SH3BGRL: variants seen among roughly 807,000 people sequenced by gnomAD.
The protein encoded by SH3BGRL is SH3 domain binding glutamate rich protein like, also known as adapter SH3BGRL.
SH3BGRL carries 7 observed loss-of-function variants against 9.8 expected under a neutral mutation model. The observed-to-expected ratio is 0.72, with a 90% CI of 0.41 to 1.35. SH3BGRL has a LOEUF of 1.35. Ranked by LOEUF, SH3BGRL falls within the 40% of genes most tolerant of loss-of-function variation. The pLI, the probability that SH3BGRL is intolerant of heterozygous loss-of-function variation, is 0.01. For missense variants in SH3BGRL, 73 were observed against 84.4 expected (o/e 0.86, Z 0.53); for synonymous variants, 36 against 29.1 (o/e 1.24, Z -0.76).
At chrX:81,254,016 G>A (rs990971088) in intron 1 of SH3BGRL, among the ~76,000 whole-genome samples, 2 of 111,535 alleles carry the variant, frequency 1.8e-5, no homozygotes, top group African/African-American at 6.5e-5. Flanking sequence ...CAGGGGTCTC[G>A]TGTTATCTGC....
At chrX:81,203,845 C>T (rs1003878043) in intron 1 of SH3BGRL, among the ~76,000 whole-genome samples, 9 of 111,039 alleles carry the variant, frequency 8.1e-5, no homozygotes, top group Admixed American at 1.9e-4. Context: ...TTAGAAATGG[C>T]TGCTGTCTTC....
chrX:81,202,211 G>A lies in SH3BGRL; in HGVS notation c.11G>A (p.Arg4His). The A allele has an allele frequency of 8.3e-7, 1 of 1,209,072 alleles. No individual in the cohort carries two copies. The highest frequency in any genetic ancestry group is 1.1e-6 in the Non-Finnish European group (1 of 894,210). The part of the protein sequence containing the change: MVI[R>H]VYIASSSGST... ...GCCGCTGTTCCCAGGATGGTGATCC[G>A]TGTATATATTGCATCTTCCTCTGGC... Residue 4 changes from arginine to histidine, a missense_variant, in exon 1 of 4, where the codon CGT (arginine) becomes CAT (histidine). Physicochemically the swap from Arg to His is conservative, Grantham distance 29. Coordinates refer to ENST00000373212, the MANE Select transcript of SH3BGRL (RefSeq NM_003022.3).
At chrX:81,249,320 A>G (rs1050084912) in intron 1 of SH3BGRL, among the ~76,000 whole-genome samples, 4 of 112,066 alleles carry the variant, frequency 3.6e-5, no homozygotes, top group African/African-American at 1.3e-4. Context: ...CTTAGAGAGT[A>G]AATTTCCTCT....
rs780393365 is a variant in SH3BGRL at position 81,206,073 on chromosome X, G to T, written c.45+3828G>T. 2.7e-5 allele frequency among the ~76,000 whole-genome samples: 3 copies of T among 110,927 alleles called. No homozygotes were observed. In the South Asian group the frequency reaches 1.1e-3, roughly 42 times the overall value. On this transcript the variant is annotated intron_variant, in intron 1 of 3. Coordinates refer to ENST00000373212, the MANE Select transcript of SH3BGRL (RefSeq NM_003022.3). ...AAATTGGATTATTTGTTTTTTTGTG[G>T]GTTTCTTTTTTGCTACTGACTTCCT...
intron 3 of SH3BGRL, among the ~76,000 whole-genome samples, chrX:81,294,928 G>T (rs1460181787): frequency 3.6e-5 from 4 of 111,950 alleles, no homozygotes; most frequent in Non-Finnish European, 7.5e-5. Context: ...CTGCCCTGCT[G>T]GATTTTGAAC....
At chrX:81,216,942 TG>T (rs757371305) in intron 1 of SH3BGRL, among the ~76,000 whole-genome samples, 330 of 110,868 alleles carry the variant, frequency 3.0e-3, no homozygotes, top group Non-Finnish European at 5.0e-3. Flanking sequence ...CATTTTCTTT[TG>T]GATATGTACC....
Position 81,235,638 on chromosome X carries a change from C to T in SH3BGRL, c.45+33393C>T, listed in dbSNP as rs2075645655. The stretch of plus-strand genomic sequence containing the variant: ...TTTCTGAAGTATATTTTCAGTCATA[C>T]TGAGGTTTGAAAATCTCCTGGTATA... On this transcript the variant is annotated intron_variant, in intron 1 of 3. Transcript: ENST00000373212. Among the ~76,000 whole-genome samples, 2 of 111,507 alleles carry T rather than the reference C, an allele frequency of 1.8e-5. 1 individual carries two copies. Among genetic ancestry groups the T allele is most frequent in the Admixed American group, 1.9e-4 (2 of 10,517 alleles).
intron 1 of SH3BGRL, among the ~76,000 whole-genome samples, chrX:81,228,147 T>C (rs1029626140): frequency 8.9e-6 from 1 of 112,190 alleles, no homozygotes; most frequent in African/African-American, 3.2e-5. Flanking sequence ...TTCTGAACCA[T>C]ATCTAAGTGA....
At chrX:81,202,791 G>A in intron 1 of SH3BGRL, 1 of 120,263 alleles carries the variant, frequency 8.3e-6, no homozygotes, top group Non-Finnish European at 1.7e-5. Flanking sequence ...GAGCTTGAAG[G>A]CCTGTTAGAA....
chrX:81,214,970 C>G (rs756474899), intron 1 of SH3BGRL, among the ~76,000 whole-genome samples: 199 of 111,545 alleles, frequency 1.8e-3, no homozygotes, highest in Admixed American at 3.4e-3. Flanking sequence ...TAATGCCAAC[C>G]TAGCTTCTAG....
At chrX:81,221,466 A>C (rs771107625) in intron 1 of SH3BGRL, among the ~76,000 whole-genome samples, 51 of 111,895 alleles carry the variant, frequency 4.6e-4, no homozygotes, top group African/African-American at 1.6e-3. Flanking sequence ...CTAAGTGCTA[A>C]AGTAATTATT....
Position 81,246,004 on chromosome X carries a change from A to G in SH3BGRL, c.46-30980A>G, listed in dbSNP as rs748174523. ...GCTTTTTGACTTGTTAATAGTAGCCATTCTGACTGGTGTGAAATGGTATCT... is the reference window on the plus strand; with the variant it reads ...GCTTTTTGACTTGTTAATAGTAGCCGTTCTGACTGGTGTGAAATGGTATCT... On this transcript the variant is annotated intron_variant, in intron 1 of 3. Transcript: ENST00000373212. Among the ~76,000 whole-genome samples the G allele has an allele frequency of 5.2e-4, 58 of 111,971 alleles. 1 individual carries two copies. Among genetic ancestry groups the G allele is most frequent in the Admixed American group, 1.3e-3 (14 of 10,581 alleles).
chrX:81,288,201 C>T (rs180786737), intron 3 of SH3BGRL, among the ~76,000 whole-genome samples: 203 of 111,918 alleles, frequency 1.8e-3, no homozygotes, highest in Non-Finnish European at 3.3e-3. Flanking sequence ...CTGATCATTT[C>T]AATTGATGCT....
At chrX:81,234,772 A>G (rs1279460498) in intron 1 of SH3BGRL, among the ~76,000 whole-genome samples, 1 of 111,894 alleles carries the variant, frequency 8.9e-6, no homozygotes, top group Admixed American at 9.5e-5. Flanking sequence ...GCATGTTTTA[A>G]TATCTGAAAG....
At chrX:81,222,507 C>CT (rs2075603168) in intron 1 of SH3BGRL, among the ~76,000 whole-genome samples, 1 of 110,259 alleles carries the variant, frequency 9.1e-6, no homozygotes, top group South Asian at 3.9e-4. Flanking sequence ...TGAACTTATC[C>CT]TTTTTTATGA....
At chrX:81,275,699 G>C (rs2075796582) in intron 1 of SH3BGRL, among the ~76,000 whole-genome samples, 1 of 112,169 alleles carries the variant, frequency 8.9e-6, no homozygotes, top group African/African-American at 3.2e-5. Flanking sequence ...AAATTACCTT[G>C]TAGCAAGTTT....
At chrX:81,291,049 G>T in intron 3 of SH3BGRL, among the ~76,000 whole-genome samples, 1 of 111,657 alleles carries the variant, frequency 9.0e-6, no homozygotes, top group Non-Finnish European at 1.9e-5. Flanking sequence ...AGAAATTCTT[G>T]AAAGCTTGTT....
At chrX:81,262,707 T>A (rs1201102878) in intron 1 of SH3BGRL, among the ~76,000 whole-genome samples, 1 of 112,234 alleles carries the variant, frequency 8.9e-6, no homozygotes, top group African/African-American at 3.2e-5. Flanking sequence ...AGGTAAGATG[T>A]TAACAACAGC....
intron 1 of SH3BGRL, among the ~76,000 whole-genome samples, chrX:81,223,139 A>T (rs2075605632): frequency 1.8e-5 from 2 of 110,959 alleles, no homozygotes; most frequent in African/African-American, 6.6e-5. Context: ...GTTCACTCTG[A>T]TGGTGGTTTC....
Sources: allele counts gnomAD v4.1 joint callset (sites outside exome capture counted in the v4.1 genomes callset), GRCh38; gene constraint gnomAD v4.1.1; transcripts MANE v1.5; gene names NCBI Gene and HGNC (gene_info 2026-07-23, HGNC 2026-07-21).